The following PTPRN variants were observed in gnomAD, a reference collection of about 807,000 sequenced individuals.
PTPRN encodes the protein protein tyrosine phosphatase receptor type N.
A neutral mutation model predicts 108.5 loss-of-function variants in PTPRN; 70 were observed. The ratio of observed to expected loss-of-function variants is 0.65; its 90% CI spans 0.53 to 0.79. PTPRN has a LOEUF of 0.79. Ranked by LOEUF, PTPRN falls within the 30% of genes least tolerant of loss-of-function variation. The pLI is 0.00. For missense variants in PTPRN, 1,136 were observed against 1,295.5 expected (o/e 0.88, Z 1.89); for synonymous variants, 496 against 524.6 (o/e 0.95, Z 0.75).
chr2:219,296,827 A>G lies in PTPRN; in HGVS notation c.2237-5T>C. On this transcript the variant is annotated splice_region_variant and splice_polypyrimidine_tract_variant and intron_variant, in intron 15 of 22. Transcript: ENST00000295718. The surrounding 1 kb of genome is among the most constrained non-coding windows in gnomAD (Gnocchi z 6.0). ...GTTTTATGCGGGCATGGTCATCTGC[A>G]CAGACCCGACACCCCACCCCAGATG... The G allele has an allele frequency of 3.1e-6, 5 of 1,613,986 alleles. No homozygotes were observed. The highest frequency in any genetic ancestry group is 4.2e-6 in the Non-Finnish European group (5 of 1,179,974).
chr2:219,295,915 A>C (rs1022232049), intron 18 of PTPRN: 5 of 277,490 alleles, frequency 1.8e-5, no homozygotes, highest in African/African-American at 1.1e-4. Flanking sequence ...TGGTGGTTTT[A>C]TAGTTTGATC....
intron 2 of PTPRN, 94 bp from the exon 3 acceptor site, chr2:219,307,651 C>G: frequency 6.9e-7 from 1 of 1,444,380 alleles, no homozygotes; most frequent in East Asian, 2.3e-5. Context: ...CACTTTCTCC[C>G]CTACCTCTCC....
Position 219,302,441 on chromosome 2 carries a change from G to T in PTPRN, c.690C>A (p.Val230=). 1 of 1,614,144 alleles carries T rather than the reference G, an allele frequency of 6.2e-7. No individual in the cohort carries two copies. The highest frequency in any genetic ancestry group is 8.5e-7 in the Non-Finnish European group (1 of 1,179,980). ...CAGCCTTGGGCAGGGGGCCGACACT[G>T]ACCATCCCTGGGGAGCCCTCTGAGA... is the stretch of plus-strand genomic sequence containing the variant. ...SRVSEGSPGM[V]SVGPLPKAEA... is the part of the protein sequence containing the mutation. Residue 230 remains valine (V), a synonymous_variant, in exon 6 of 23, where the codon GTC becomes GTA. Coordinates refer to ENST00000295718, the MANE Select transcript of PTPRN (RefSeq NM_002846.4).
At chr2:219,308,981 C>T (rs1459447146) in intron 1 of PTPRN, 2 of 1,511,814 alleles carry the variant, frequency 1.3e-6, no homozygotes, top group East Asian at 2.6e-5. Flanking sequence ...CCCGAACCTG[C>T]AATTTTCCCC....
chr2:219,299,138 G>T, intron 11 of PTPRN, 27 bp from the exon 12 acceptor site: 2 of 1,614,040 alleles, frequency 1.2e-6, no homozygotes, highest in Non-Finnish European at 1.7e-6. Context: ...GGTCAGGCTT[G>T]CTCCAGCCCC....
At position 219,296,878 on chromosome 2, in the gene PTPRN, A is replaced by G. The variant is rs532199969; in HGVS notation, c.2237-56T>C. The G allele has an allele frequency of 6.2e-7, 1 of 1,613,068 alleles. No individual in the cohort carries two copies. Among genetic ancestry groups the G allele is most frequent in the East Asian group, 2.2e-5 (1 of 44,854 alleles). ...GCCCTCTGGTCATTGGCATCGCGGG[A>G]CCTCTGCCACTCAGCCTGAGCCAGA... On this transcript the variant is annotated intron_variant, in intron 15 of 22. Coordinates refer to ENST00000295718, the MANE Select transcript of PTPRN (RefSeq NM_002846.4). This position sits in a 1 kb window ranked among gnomAD's most constrained non-coding sequence, Gnocchi z 6.0.
rs1295184450 is a variant in PTPRN at position 219,290,991 on chromosome 2, C to G, written c.2730-101G>C. 1.0e-5 allele frequency: 12 copies of G among 1,159,892 alleles called. No homozygotes were observed. The East Asian group carries it at 2.6e-4, about 25-fold the overall frequency. 71.9% of individuals were successfully genotyped at this position (1,159,892 alleles called of 1,614,324 possible). A position where few individuals can be genotyped will look rare whatever the true frequency, so the allele number is the denominator to read the frequency against. The stretch of plus-strand genomic sequence containing the variant: ...TGGAGGCCTGGGGGAGGGGAGGACA[C>G]TGGGTGACCCGTTGGGGTTGGCTTG... On this transcript the variant is annotated intron_variant, in intron 20 of 22. Coordinates refer to ENST00000295718, the MANE Select transcript of PTPRN (RefSeq NM_002846.4). This position sits in a 1 kb window ranked among gnomAD's most constrained non-coding sequence, Gnocchi z 4.2.
chr2:219,307,388 C>A lies in PTPRN; in HGVS notation c.280+56G>T, dbSNP rs1456477567. On this transcript the variant is annotated intron_variant, in intron 3 of 22. Coordinates refer to ENST00000295718, the MANE Select transcript of PTPRN (RefSeq NM_002846.4). ...TATTCCTTGAAGAGAAATCTTCTTC[C>A]CCACCCATAACTAACCAAGTTCCAA... 2.8e-6 allele frequency: 4 copies of A among 1,422,226 alleles called. No homozygotes were observed. In the African/African-American group the frequency reaches 5.7e-5, roughly 20 times the overall value. 88.1% of individuals were successfully genotyped at this position (1,422,226 alleles called of 1,614,324 possible).
chr2:219,300,481 T>C lies in PTPRN; in HGVS notation c.1162-222A>G, dbSNP rs1426553616. ...AATGATTGAAAATGGTCTGTACTAA[T>C]CCACAGAATGGGGCTGGAGACAGAA... On this transcript the variant is annotated intron_variant, in intron 8 of 22. Transcript: ENST00000295718. 7 of 524,924 alleles carry C rather than the reference T, an allele frequency of 1.3e-5. No homozygotes were observed. In the South Asian group the frequency reaches 1.8e-4, roughly 13 times the overall value. 32.5% of individuals were successfully genotyped at this position (524,924 alleles called of 1,614,324 possible).
At chr2:219,298,996 GACA>G (rs747545015) in intron 12 of PTPRN, 48 bp downstream of exon 12, 2 of 1,604,190 alleles carry the variant, frequency 1.2e-6, no homozygotes, top group South Asian at 1.1e-5. Context: ...AGCTCTTGCG[GACA>G]ACATCAGCCC....
Position 219,300,934 on chromosome 2 carries a change from G to A in PTPRN, c.1161+9C>T. The stretch of plus-strand genomic sequence containing the variant: ...GTGATTATGAGTCAAGGAGGTGCTG[G>A]GGACTCACTTTCTTGATATCAGCTC... On this transcript the variant is annotated intron_variant, in intron 8 of 22. Coordinates refer to ENST00000295718, the MANE Select transcript of PTPRN (RefSeq NM_002846.4). 1 of 1,613,876 alleles carries A rather than the reference G, an allele frequency of 6.2e-7. No individual in the cohort carries two copies. Among genetic ancestry groups the A allele is most frequent in the Non-Finnish European group, 8.5e-7 (1 of 1,179,766 alleles).
chr2:219,291,034 G>A (rs536920251), intron 20 of PTPRN, 144 bp from the exon 21 acceptor site: 5 of 748,450 alleles, frequency 6.7e-6, no homozygotes, highest in East Asian at 5.3e-5. Flanking sequence ...ACAGTGAGCC[G>A]AGGATGAAGG....
chr2:219,292,768 G>A (rs1267622639), intron 19 of PTPRN: 1 of 152,178 alleles, frequency 6.6e-6, no homozygotes, highest in African/African-American at 2.4e-5. Context: ...TGGGAACCGA[G>A]CCGCATAGCA....
intron 20 of PTPRN, 61 bp downstream of exon 20, chr2:219,291,409 A>G (rs189105720): frequency 1.5e-4 from 221 of 1,523,854 alleles, no homozygotes; most frequent in Non-Finnish European, 1.9e-4. Context: ...CAGGCAGGCA[A>G]TGTGCACAGG....
intron 19 of PTPRN, chr2:219,292,514 G>A (rs1325439473): frequency 6.6e-6 from 1 of 152,208 alleles, no homozygotes; most frequent in African/African-American, 2.4e-5. Flanking sequence ...TGGCTTCATA[G>A]GAGTCCACAT....
intron 8 of PTPRN, 34 bp downstream of exon 8, chr2:219,300,909 G>A (rs755200197): frequency 1.2e-6 from 2 of 1,610,416 alleles, no homozygotes; most frequent in South Asian, 2.2e-5. Flanking sequence ...CTGCCATGGG[G>A]TGATTATGAG....
rs1411947239 is a variant in PTPRN at position 219,294,985 on chromosome 2, C to A, written c.2665G>T (p.Asp889Tyr). Residue 889 changes from aspartate to tyrosine, a missense_variant, in exon 19 of 23, where the codon GAC (aspartate) becomes TAC (tyrosine). Physicochemically the swap from Asp to Tyr is radical, Grantham distance 160. Transcript: ENST00000295718. ...GTPASTRPLL[D>Y]FRRKVNKCYR... ...GGCGCCCGCGCTCACCTGCGGAAGT[C>A]CAGCAGGGGCCGCGTGGAGGCCGGT... is the stretch of plus-strand genomic sequence containing the variant. 5 of 1,592,790 alleles carry A rather than the reference C, an allele frequency of 3.1e-6. No homozygotes were observed. Among genetic ancestry groups the A allele is most frequent in the Non-Finnish European group, 4.3e-6 (5 of 1,170,786 alleles).
Position 219,296,996 on chromosome 2 carries a change from T to G in PTPRN, c.2225A>C (p.Asp742Ala), listed in dbSNP as rs1383343575. The G allele has an allele frequency of 6.2e-7, 1 of 1,613,746 alleles. No homozygotes were observed. The highest frequency in any genetic ancestry group is 8.5e-7 in the Non-Finnish European group (1 of 1,179,922). Residue 742 changes from aspartate (D) to alanine (A), a missense_variant, in exon 15 of 23, where the codon GAC becomes GCC. Coordinates refer to ENST00000295718, the MANE Select transcript of PTPRN (RefSeq NM_002846.4). This position sits in a 1 kb window ranked among gnomAD's most constrained non-coding sequence, Gnocchi z 6.0. ...CAGGGTTCACTCACAGGGCAGGAAG[T>G]CAGGATGCCGGTTCTTTTTGATGTT... ...EGNIKKNRHP[D>A]FLPYDHARIK... is the part of the protein sequence containing the mutation.
intron 19 of PTPRN, 131 bp from the exon 20 acceptor site, chr2:219,291,654 G>C: frequency 1.1e-6 from 1 of 947,362 alleles, no homozygotes; most frequent in South Asian, 1.6e-5. Flanking sequence ...GAAGATGGTT[G>C]GAGAAAGGAG....
Sources: gnomAD v4.1 joint callset for allele counts on GRCh38, gnomAD v4.1.1 for gene constraint, Gnocchi (gnomAD v3.1) non-coding constraint, MANE v1.5 for transcripts, NCBI Gene and HGNC (gene_info 2026-07-23, HGNC 2026-07-21) for gene names.